The following ADAM23 variants were observed in gnomAD, a reference collection of about 807,000 sequenced individuals.
ADAM23 encodes the protein ADAM metallopeptidase domain 23, also known as disintegrin and metalloproteinase domain-containing protein 23.
In ADAM23, 33 loss-of-function variants were observed where a neutral mutation model predicts 120.1. That is an observed-to-expected ratio of 0.27 (90% CI 0.21 to 0.37). ADAM23 has a LOEUF of 0.37. Ranked by LOEUF, ADAM23 falls within the 10% of genes least tolerant of loss-of-function variation. The pLI is 1.00. For synonymous variants in ADAM23, 367 were observed against 375.2 expected, an observed-to-expected ratio of 0.98 and a Z score of 0.25; for missense variants, 862 against 1,058.2, an observed-to-expected ratio of 0.81 and a Z score of 2.57.
rs542920029 is a variant in ADAM23, at chr2:206,455,204, C to T, written c.432+9680C>T. ...CTCAAGCCTTGACTTTTACCTTCTG[C>T]ATACATGTGGGCCCAATACCACGTG... is the stretch of plus-strand genomic sequence containing the variant. On this transcript the variant is annotated intron_variant, in intron 2 of 25. Coordinates refer to ENST00000264377, the MANE Select transcript of ADAM23 (RefSeq NM_003812.4). Among the ~76,000 whole-genome samples, 3 of 152,344 alleles carry T rather than the reference C, an allele frequency of 2.0e-5. No homozygotes were observed. The South Asian group carries it at 6.2e-4, about 32-fold the overall frequency.
chr2:206,520,897 C>G (rs529452005), intron 3 of ADAM23, among the ~76,000 whole-genome samples: 2 of 152,158 alleles, frequency 1.3e-5, no homozygotes, highest in Admixed American at 1.3e-4. Context: ...CACTATTGCC[C>G]CATATCACTG....
intron 3 of ADAM23, among the ~76,000 whole-genome samples, chr2:206,524,949 A>T (rs1334347560): frequency 6.6e-6 from 1 of 152,168 alleles, no homozygotes; most frequent in Non-Finnish European, 1.5e-5. Context: ...AGTATTTTCC[A>T]CCTTGTAGAC....
intron 9 of ADAM23, among the ~76,000 whole-genome samples, chr2:206,550,705 T>C (rs892693257): frequency 3.3e-5 from 5 of 151,072 alleles, no homozygotes; most frequent in African/African-American, 7.3e-5. Flanking sequence ...GGGTTCACGC[T>C]ATTCTCCTGC....
At position 206,498,715 on chromosome 2, in the gene ADAM23, G is replaced by A. The variant is rs947823403; in HGVS notation, c.509+17407G>A. ...AAACTACCATCAGAGTGAACAGGCA[G>A]CCTACAGAATGGGAGAAAATTTTTG... On this transcript the variant is annotated intron_variant, in intron 3 of 25. Coordinates refer to ENST00000264377, the MANE Select transcript of ADAM23 (RefSeq NM_003812.4). Among the ~76,000 whole-genome samples, 8 of 152,082 alleles carry A rather than the reference G, an allele frequency of 5.3e-5. No individual in the cohort carries two copies. The East Asian group carries it at 7.7e-4, about 15-fold the overall frequency.
chr2:206,552,242 G>A (rs1054056075), intron 9 of ADAM23, among the ~76,000 whole-genome samples: 1 of 152,054 alleles, frequency 6.6e-6, no homozygotes, highest in African/African-American at 2.4e-5. Flanking sequence ...TCAAATAGCT[G>A]TTAATCTATA....
At chr2:206,546,703 CAAT>C (rs1206875161) in intron 6 of ADAM23, among the ~76,000 whole-genome samples, 2 of 152,038 alleles carry the variant, frequency 1.3e-5, no homozygotes, top group East Asian at 3.8e-4. Flanking sequence ...AATTTTAAGA[CAAT>C]GATGTATCTC....
chr2:206,508,755 A>G (rs1198165979), intron 3 of ADAM23, among the ~76,000 whole-genome samples: 1 of 152,142 alleles, frequency 6.6e-6, no homozygotes. Context: ...TAAACATAGC[A>G]TGCATTGAGG....
In ADAM23 at chr2:206,496,188, C is replaced by G. The variant is rs191281486; in HGVS notation, c.509+14880C>G. On this transcript the variant is annotated intron_variant, in intron 3 of 25. Coordinates refer to ENST00000264377, the MANE Select transcript of ADAM23 (RefSeq NM_003812.4). ...TACAGAACTCTACACCCCAAATCAA[C>G]AGAATATACATTCTTTTCAGCACCA... Among the ~76,000 whole-genome samples, 540 of 152,276 alleles carry G rather than the reference C, an allele frequency of 3.5e-3. 4 individuals are homozygous for G. Among genetic ancestry groups the G allele is most frequent in the African/African-American group, 0.013 (526 of 41,544 alleles).
chr2:206,587,219 T>C, intron 18 of ADAM23, 106 bp from the exon 19 acceptor site: 2 of 740,572 alleles, frequency 2.7e-6, no homozygotes, highest in Non-Finnish European at 4.4e-6. Flanking sequence ...TTTTTCTCAA[T>C]GTTTCTAGTT....
chr2:206,610,143 G>A, intron 25 of ADAM23, 143 bp downstream of exon 25: 1 of 697,008 alleles, frequency 1.4e-6, no homozygotes, highest in South Asian at 2.4e-5. Context: ...TCAGAAATGG[G>A]TTAGAAATGA....
At chr2:206,459,429 A>G (rs1252155704) in intron 2 of ADAM23, among the ~76,000 whole-genome samples, 1 of 152,204 alleles carries the variant, frequency 6.6e-6, no homozygotes, top group Non-Finnish European at 1.5e-5. Flanking sequence ...CAAATAGTAT[A>G]TTTATGAATT....
chr2:206,571,148 T>G (rs376965387), intron 16 of ADAM23, among the ~76,000 whole-genome samples: 1 of 152,214 alleles, frequency 6.6e-6, no homozygotes, highest in Non-Finnish European at 1.5e-5. Flanking sequence ...TAGAATGTAG[T>G]GGAGCTAATT....
intron 4 of ADAM23, among the ~76,000 whole-genome samples, chr2:206,538,843 G>C (rs189665133): frequency 8.6e-5 from 13 of 151,926 alleles, no homozygotes; most frequent in Admixed American, 2.0e-4. Flanking sequence ...ACTCCTCCTG[G>C]GCTTAAGCAA....
Position 206,587,469 on chromosome 2 carries a change from G to A in ADAM23, c.1788+94G>A, listed in dbSNP as rs1037803048. The A allele has an allele frequency of 3.0e-6, 3 of 990,366 alleles. No homozygotes were observed. The Admixed American group carries it at 7.5e-5, about 25-fold the overall frequency. The allele number at this position is 990,366 out of a possible 1,614,324, so 61.3% of individuals were successfully genotyped here. ...TGATAAATATTAATATAACTTTGAA[G>A]GGAATTTTACTCAAGTAAATTATTA... is the stretch of plus-strand genomic sequence containing the variant. On this transcript the variant is annotated intron_variant, in intron 19 of 25. Coordinates refer to ENST00000264377, the MANE Select transcript of ADAM23 (RefSeq NM_003812.4).
intron 3 of ADAM23, among the ~76,000 whole-genome samples, chr2:206,501,076 T>C (rs1696378698): frequency 6.6e-6 from 1 of 152,034 alleles, no homozygotes; most frequent in African/African-American, 2.4e-5. Flanking sequence ...AGAGCTTTGA[T>C]TGTGATACCT....
chr2:206,504,080 G>T (rs1696446136), intron 3 of ADAM23, among the ~76,000 whole-genome samples: 1 of 151,686 alleles, frequency 6.6e-6, no homozygotes, highest in African/African-American at 2.4e-5. Context: ...ATATATCCTT[G>T]GTATATCTTT....
chr2:206,561,544 G>A (rs553283631), intron 12 of ADAM23, among the ~76,000 whole-genome samples: 31 of 151,850 alleles, frequency 2.0e-4, no homozygotes, highest in Non-Finnish European at 4.1e-4. Context: ...CTCTGTCTAT[G>A]TTAAATTTAA....
intron 10 of ADAM23, among the ~76,000 whole-genome samples, chr2:206,559,025 A>G (rs1161480188): frequency 1.3e-5 from 2 of 152,054 alleles, no homozygotes; most frequent in Non-Finnish European, 2.9e-5. Flanking sequence ...GCTCACTGCA[A>G]GCTCCGCCTC....
intron 20 of ADAM23, among the ~76,000 whole-genome samples, chr2:206,588,495 T>C (rs140751620): frequency 8.5e-4 from 129 of 152,272 alleles, no homozygotes; most frequent in African/African-American, 3.1e-3. Context: ...TGACCCCCTT[T>C]TTTTCCATTA....
Sources: gnomAD v4.1 joint callset for allele counts (sites outside exome capture counted in the v4.1 genomes callset) on GRCh38, gnomAD v4.1.1 for gene constraint, MANE v1.5 for transcripts, NCBI Gene and HGNC (gene_info 2026-07-23, HGNC 2026-07-21) for gene names.